Variants in GRM1 observed in about 807,000 individuals in gnomAD.
GRM1 encodes the protein glutamate metabotropic receptor 1.
A neutral mutation model predicts 90.9 loss-of-function variants in GRM1; 33 were observed. That is an observed-to-expected ratio of 0.36 (90% CI 0.28 to 0.49). GRM1 has a LOEUF of 0.49. GRM1 is among the 20% of genes least tolerant of loss of function. GRM1 has a pLI of 0.99. For synonymous variants in GRM1, 700 were observed against 613.2 expected (o/e 1.14, Z -2.09); for missense variants, 1,190 against 1,534.3 (o/e 0.78, Z 3.75).
At position 146,433,916 on chromosome 6, in the gene GRM1, A is replaced by C; in HGVS notation, c.2705A>C (p.Gln902Pro). The C allele has an allele frequency of 6.2e-7, 1 of 1,613,890 alleles. No individual in the cohort carries two copies. The highest frequency in any genetic ancestry group is 1.1e-5 in the South Asian group (1 of 91,078). ...SVSWSEPGGG[Q>P]VPKGQHMWHR... ...TCATGGTCTGAACCAGGTGGAGGAC[A>C]GGTGCCCAAGGGACAGCATATGTGG... Residue 902 changes from glutamine (Q) to proline (P), a missense_variant, in exon 8 of 8, where the codon CAG becomes CCG. Around this residue, in one of 10 missense-constraint regions of GRM1, gnomAD observed 400 missense variants for 360.8 expected, o/e 1.11. Transcript: ENST00000282753.
At chr6:146,052,859 C>A (rs1775342875) in intron 1 of GRM1, among the ~76,000 whole-genome samples, 1 of 152,002 alleles carries the variant, frequency 6.6e-6, no homozygotes, top group East Asian at 1.9e-4. Context: ...CAATTCTTTA[C>A]ATATTTGTTG....
intron 1 of GRM1, among the ~76,000 whole-genome samples, chr6:146,107,723 C>T (rs1235945185): frequency 1.3e-5 from 2 of 152,104 alleles, no homozygotes; most frequent in Non-Finnish European, 2.9e-5. Context: ...TTAATGTATC[C>T]ATGGAGTCTG....
chr6:146,131,085 C>T (rs1483213342), intron 1 of GRM1, among the ~76,000 whole-genome samples: 1 of 152,092 alleles, frequency 6.6e-6, no homozygotes. Flanking sequence ...TAAAATATTA[C>T]ATTATGTTTC....
intron 3 of GRM1, among the ~76,000 whole-genome samples, chr6:146,328,944 A>C (rs1454969227): frequency 6.6e-6 from 1 of 152,188 alleles, no homozygotes. Flanking sequence ...AGGGCAGGCT[A>C]TGCCAGTGGC....
intron 6 of GRM1, among the ~76,000 whole-genome samples, chr6:146,394,484 G>A (rs746288982): frequency 1.1e-4 from 16 of 152,096 alleles, no homozygotes; most frequent in Non-Finnish European, 2.4e-4. Context: ...TTATTAGCAT[G>A]CTCCAAGGTC....
intron 2 of GRM1, among the ~76,000 whole-genome samples, chr6:146,247,165 A>C (rs1781089060): frequency 6.6e-6 from 1 of 152,168 alleles, no homozygotes; most frequent in Non-Finnish European, 1.5e-5. Context: ...CCGTGTTTAC[A>C]TGAGACAGGT....
chr6:146,386,180 T>C (rs1326053323), intron 5 of GRM1, among the ~76,000 whole-genome samples: 1 of 152,064 alleles, frequency 6.6e-6, no homozygotes, highest in East Asian at 1.9e-4. Flanking sequence ...AATGTGTTTT[T>C]ATGTTTATTT....
At chr6:146,075,743 T>G (rs1312018463) in intron 1 of GRM1, among the ~76,000 whole-genome samples, 1 of 152,236 alleles carries the variant, frequency 6.6e-6, no homozygotes, top group Non-Finnish European at 1.5e-5. Flanking sequence ...CCTTCCTTTT[T>G]TCTTCCCAGT....
intron 1 of GRM1, among the ~76,000 whole-genome samples, chr6:146,134,926 G>C (rs374559963): frequency 1.3e-5 from 2 of 152,086 alleles, no homozygotes; most frequent in South Asian, 2.1e-4. Context: ...GCGTGACTCC[G>C]TCTCAAAAAC....
intron 2 of GRM1, among the ~76,000 whole-genome samples, chr6:146,271,943 T>C (rs1782177453): frequency 6.6e-6 from 1 of 152,212 alleles, no homozygotes; most frequent in African/African-American, 2.4e-5. Context: ...AGGGTATGTA[T>C]TCCTGCCTGT....
At chr6:146,235,046 A>G (rs1780590385) in intron 2 of GRM1, among the ~76,000 whole-genome samples, 1 of 152,120 alleles carries the variant, frequency 6.6e-6, no homozygotes, top group Admixed American at 6.6e-5. Flanking sequence ...ATTTATCCAA[A>G]TTTCTTTTTG....
intron 3 of GRM1, among the ~76,000 whole-genome samples, chr6:146,312,165 C>G (rs1783794184): frequency 6.6e-6 from 1 of 151,598 alleles, no homozygotes; most frequent in African/African-American, 2.4e-5. Flanking sequence ...CACACTGAAA[C>G]CCCATCTCTA....
intron 1 of GRM1, among the ~76,000 whole-genome samples, chr6:146,036,603 G>A (rs1455013399): frequency 1.3e-5 from 2 of 151,754 alleles, no homozygotes; most frequent in Admixed American, 6.6e-5. Context: ...TAAACTTAAG[G>A]CATTGTAGTA....
chr6:146,165,389 G>T (rs2128892901), intron 2 of GRM1, among the ~76,000 whole-genome samples: 1 of 152,040 alleles, frequency 6.6e-6, no homozygotes. Flanking sequence ...TTAGTTTCAT[G>T]TTTCCACTAT....
intron 2 of GRM1, among the ~76,000 whole-genome samples, chr6:146,168,303 G>A (rs565506279): frequency 3.0e-4 from 46 of 151,664 alleles, no homozygotes; most frequent in African/African-American, 8.9e-4. Flanking sequence ...ACTTCTTTAC[G>A]TTGTTATTGC....
intron 4 of GRM1, among the ~76,000 whole-genome samples, chr6:146,354,665 C>A (rs1338791448): frequency 6.6e-6 from 1 of 152,130 alleles, no homozygotes; most frequent in Non-Finnish European, 1.5e-5. Flanking sequence ...TCCTGTCATA[C>A]CATCGTTCAT....
intron 1 of GRM1, among the ~76,000 whole-genome samples, chr6:146,064,190 T>C (rs906864923): frequency 6.6e-6 from 1 of 152,210 alleles, no homozygotes. Flanking sequence ...GTCTTCTTTA[T>C]GAATCTGTAA....
At chr6:146,316,794 G>T (rs924043237) in intron 3 of GRM1, among the ~76,000 whole-genome samples, 1 of 152,102 alleles carries the variant, frequency 6.6e-6, no homozygotes. Flanking sequence ...CCTGGGGACT[G>T]TCTTTTTGAG....
intron 2 of GRM1, among the ~76,000 whole-genome samples, chr6:146,220,540 T>TC (rs1780025131): frequency 6.6e-6 from 1 of 152,202 alleles, no homozygotes; most frequent in Non-Finnish European, 1.5e-5. Context: ...ATTATCTTCA[T>TC]CTGTAGATTA....
Sources: gnomAD v4.1 joint callset for allele counts (sites outside exome capture counted in the v4.1 genomes callset) on GRCh38, gnomAD v4.1.1 for gene constraint, gnomAD v4.1.1 regional missense constraint, MANE v1.5 for transcripts, NCBI Gene and HGNC (gene_info 2026-07-23, HGNC 2026-07-21) for gene names.